Variants in TXNDC11 observed in about 807,000 individuals in gnomAD.
TXNDC11 encodes thioredoxin domain-containing protein 11.
A neutral mutation model predicts 78.0 loss-of-function variants in TXNDC11; 68 were observed. The ratio of observed to expected loss-of-function variants is 0.87; its 90% CI spans 0.72 to 1.07. The LOEUF is 1.07. TXNDC11 is among the 50% of genes least tolerant of loss of function. The pLI is 0.00. For synonymous variants in TXNDC11, 571 were observed against 495.2 expected, an observed-to-expected ratio of 1.15 and a Z score of -2.03; for missense variants, 1,389 against 1,221.8, an observed-to-expected ratio of 1.14 and a Z score of -2.04.
intron 5 of TXNDC11, among the ~76,000 whole-genome samples, chr16:11,720,776 CA>C (rs1224655833): frequency 6.6e-6 from 1 of 151,750 alleles, no homozygotes; most frequent in Non-Finnish European, 1.5e-5. Context: ...CTCTGTCCCC[CA>C]GGCTGGAGTG....
At position 11,691,850 on chromosome 16, in the gene TXNDC11, T is replaced by C; in HGVS notation, c.1340A>G (p.Asn447Ser). The C allele has an allele frequency of 6.2e-7, 1 of 1,614,240 alleles. No homozygotes were observed. The highest frequency in any genetic ancestry group is 1.1e-5 in the South Asian group (1 of 91,088). ...RTHNVCELCV[N>S]QTSGGMKPSS... ...CGGCTTCATGCCCCCGGAGGTCTGG[T>C]TGACACAGAGTTCACAGACGTTGTG... The change falls in exon 8 of 12, where the codon AAC (asparagine) becomes AGC (serine). Residue 447 changes from asparagine to serine, a missense_variant. Transcript: ENST00000283033.
intron 2 of TXNDC11, among the ~76,000 whole-genome samples, chr16:11,734,722 CT>C (rs1297952775): frequency 2.0e-5 from 3 of 152,206 alleles, no homozygotes; most frequent in Non-Finnish European, 4.4e-5. Context: ...GCAACGTGAA[CT>C]TTGTTCTCTA....
intron 5 of TXNDC11, among the ~76,000 whole-genome samples, chr16:11,713,452 T>C (rs892894182): frequency 6.6e-6 from 1 of 152,040 alleles, no homozygotes; most frequent in African/African-American, 2.4e-5. Context: ...GTTTTGCTCT[T>C]GTTGCCTAGG....
intron 8 of TXNDC11, chr16:11,690,794 T>C (rs1417009924): frequency 1.3e-5 from 2 of 154,748 alleles, no homozygotes; most frequent in African/African-American, 4.9e-5. Flanking sequence ...TCTCCTGACC[T>C]CGTGATCCAC....
chr16:11,705,135 G>A (rs2051147299), intron 5 of TXNDC11, among the ~76,000 whole-genome samples: 2 of 152,030 alleles, frequency 1.3e-5, no homozygotes, highest in African/African-American at 2.4e-5. Flanking sequence ...AACCTCAAGT[G>A]ATCCACCTGG....
chr16:11,682,140 T>C (rs921313347), intron 11 of TXNDC11, among the ~76,000 whole-genome samples: 1 of 152,386 alleles, frequency 6.6e-6, no homozygotes, highest in East Asian at 1.9e-4. Flanking sequence ...CTACATGTTA[T>C]CCAACAGCCT....
chr16:11,704,075 A>G (rs755816640), intron 5 of TXNDC11, among the ~76,000 whole-genome samples: 1 of 152,140 alleles, frequency 6.6e-6, no homozygotes, highest in Non-Finnish European at 1.5e-5. Flanking sequence ...CTGGGTGACA[A>G]GAGTGAAACT....
Position 11,691,359 on chromosome 16 carries a change from T to C in TXNDC11, c.1831A>G (p.Ile611Val), listed in dbSNP as rs760239288. The change falls in exon 8 of 12, where the codon ATT (isoleucine) becomes GTT (valine). Residue 611 changes from isoleucine (I) to valine (V), a missense_variant. Ile to Val is a conservative substitution (Grantham distance 29). Transcript: ENST00000283033. ...SSTQVKEFAA[I>V]VDVKEESHYI... is the part of the protein sequence containing the mutation. ...TGAGATTCTTCTTTCACGTCAACAA[T>C]TGCCGCAAATTCTTTCACCTGAGTG... 6.2e-7 allele frequency: 1 copy of C among 1,614,252 alleles called. No individual in the cohort carries two copies. The highest frequency in any genetic ancestry group is 8.5e-7 in the Non-Finnish European group (1 of 1,180,030).
intron 7 of TXNDC11, 77 bp from the exon 8 acceptor site, chr16:11,692,159 T>C: frequency 8.4e-7 from 1 of 1,189,668 alleles, no homozygotes; most frequent in Non-Finnish European, 1.2e-6. Flanking sequence ...CGTTTCACTT[T>C]CTGTAATTTC....
chr16:11,713,903 A>G (rs886587854), intron 5 of TXNDC11, among the ~76,000 whole-genome samples: 3 of 152,182 alleles, frequency 2.0e-5, no homozygotes, highest in Admixed American at 6.5e-5. Flanking sequence ...GTTAAACTCA[A>G]TGTCTGGTCC....
intron 3 of TXNDC11, among the ~76,000 whole-genome samples, 153 bp from the exon 4 acceptor site, chr16:11,730,927 T>A (rs369705303): frequency 2.0e-5 from 3 of 152,154 alleles, no homozygotes; most frequent in African/African-American, 7.2e-5. Flanking sequence ...CCTGCTTTGC[T>A]CAGGAGGTGA....
In TXNDC11 at chr16:11,682,785, T is replaced by C. The variant is rs550760122; in HGVS notation, c.2234+1380A>G. On this transcript the variant is annotated intron_variant, in intron 11 of 11. Coordinates refer to ENST00000283033, the MANE Select transcript of TXNDC11 (RefSeq NM_015914.7). ...AGCCTCATCACAACTCAGTCAGCAG[T>C]AGAAAAGGGTGAGTCACATTCTGTT... Among the ~76,000 whole-genome samples the C allele has an allele frequency of 1.7e-4, 26 of 152,204 alleles. No homozygotes were observed. In the South Asian group the frequency reaches 5.0e-3, roughly 29 times the overall value.
intron 5 of TXNDC11, among the ~76,000 whole-genome samples, chr16:11,705,828 A>G (rs1438366637): frequency 6.6e-6 from 1 of 152,258 alleles, no homozygotes; most frequent in Non-Finnish European, 1.5e-5. Context: ...TGAACAAAGA[A>G]TACTTAGATT....
intron 5 of TXNDC11, among the ~76,000 whole-genome samples, chr16:11,704,907 TTTTC>T (rs2051140489): frequency 7.8e-6 from 1 of 128,964 alleles, no homozygotes; most frequent in East Asian, 2.1e-4. Flanking sequence ...GTTAACTTCT[TTTTC>T]TTTCTTTTTT....
chr16:11,697,321 C>A (rs879239854), intron 7 of TXNDC11, among the ~76,000 whole-genome samples: 1 of 152,226 alleles, frequency 6.6e-6, no homozygotes, highest in Non-Finnish European at 1.5e-5. Flanking sequence ...GTCTGCTTAG[C>A]TGGCCAGTGG....
chr16:11,707,369 A>G (rs1210684944), intron 5 of TXNDC11, among the ~76,000 whole-genome samples: 4 of 151,520 alleles, frequency 2.6e-5, no homozygotes, highest in African/African-American at 9.7e-5. Context: ...AAAAAACTCC[A>G]TGATTTTTAT....
At chr16:11,680,890 G>C (rs1286593965) in intron 11 of TXNDC11, among the ~76,000 whole-genome samples, 1 of 152,194 alleles carries the variant, frequency 6.6e-6, no homozygotes, top group African/African-American at 2.4e-5. Context: ...GACAAAGCTG[G>C]GTGTGGTGCT....
intron 3 of TXNDC11, among the ~76,000 whole-genome samples, chr16:11,731,193 A>C (rs1330750779): frequency 1.3e-5 from 2 of 152,190 alleles, no homozygotes; most frequent in African/African-American, 4.8e-5. Context: ...TCCTTCTACT[A>C]GTCACTGTGA....
chr16:11,733,596 G>A (rs1470979261), intron 3 of TXNDC11, among the ~76,000 whole-genome samples: 1 of 152,188 alleles, frequency 6.6e-6, no homozygotes, highest in Non-Finnish European at 1.5e-5. Flanking sequence ...AGAATAGATG[G>A]TAAGATACAC....
Sources: allele counts gnomAD v4.1 joint callset (sites outside exome capture counted in the v4.1 genomes callset), GRCh38; gene constraint gnomAD v4.1.1; transcripts MANE v1.5; gene names NCBI Gene and HGNC (gene_info 2026-07-23, HGNC 2026-07-21).